Variants in CDH22 observed in about 807,000 individuals in gnomAD.
The protein encoded by CDH22 is cadherin 22, also known as cadherin-22.
CDH22 carries 30 observed loss-of-function variants against 58.4 expected under a neutral mutation model. The observed-to-expected ratio is 0.51, with a 90% CI of 0.38 to 0.70. The LOEUF (loss-of-function observed/expected upper bound fraction) is 0.70, where lower values mean the gene tolerates loss of function less well. CDH22 is among the 30% of genes least tolerant of loss of function. CDH22 has a pLI of 0.00. For synonymous variants in CDH22, 513 were observed against 558.2 expected, an observed-to-expected ratio of 0.92 and a Z score of 1.14; for missense variants, 1,014 against 1,233.9, an observed-to-expected ratio of 0.82 and a Z score of 2.67.
At chr20:46,222,128 AAT>A (rs2086131034) in intron 4 of CDH22, among the ~76,000 whole-genome samples, 1 of 152,184 alleles carries the variant, frequency 6.6e-6, no homozygotes, top group Non-Finnish European at 1.5e-5. Context: ...GAGAGGACTG[AAT>A]GAGAGGAAGC....
chr20:46,203,569 C>A (rs1437510442), intron 7 of CDH22, among the ~76,000 whole-genome samples: 1 of 152,222 alleles, frequency 6.6e-6, no homozygotes, highest in Non-Finnish European at 1.5e-5. Context: ...ATCTTTAATT[C>A]CCAGCAAAAT....
intron 8 of CDH22, among the ~76,000 whole-genome samples, chr20:46,198,306 A>G (rs1378005608): frequency 6.6e-6 from 1 of 150,458 alleles, no homozygotes; most frequent in Admixed American, 6.6e-5. Context: ...ACACACACAC[A>G]CACACACACA....
At chr20:46,193,994 A>AAAAC (rs970924367) in intron 8 of CDH22, among the ~76,000 whole-genome samples, 1 of 152,112 alleles carries the variant, frequency 6.6e-6, no homozygotes, top group Non-Finnish European at 1.5e-5. Flanking sequence ...CTCTTTACCA[A>AAAAC]AAACAAACAA....
intron 2 of CDH22, among the ~76,000 whole-genome samples, chr20:46,244,991 C>G (rs1455569444): frequency 6.6e-6 from 1 of 152,226 alleles, no homozygotes; most frequent in Non-Finnish European, 1.5e-5. Flanking sequence ...CTACCCTTCT[C>G]TGAGCCTCAG....
At chr20:46,291,925 A>G (rs1001145055) in intron 1 of CDH22, among the ~76,000 whole-genome samples, 4 of 152,228 alleles carry the variant, frequency 2.6e-5, no homozygotes, top group African/African-American at 7.2e-5. Context: ...TACCCATTGA[A>G]TACCAGTAGC....
At chr20:46,261,704 G>T (rs143279806) in intron 1 of CDH22, among the ~76,000 whole-genome samples, 1,967 of 152,238 alleles carry the variant, frequency 0.013, 22 homozygotes, top group Middle Eastern at 0.031. Flanking sequence ...TGGATCCTGA[G>T]CCCAGAGCTC....
At chr20:46,273,265 C>T (rs1034621745) in intron 1 of CDH22, among the ~76,000 whole-genome samples, 7 of 152,220 alleles carry the variant, frequency 4.6e-5, no homozygotes, top group African/African-American at 7.2e-5. Context: ...TCTCTAAGTT[C>T]TCTGGGCTTC....
intron 10 of CDH22, among the ~76,000 whole-genome samples, chr20:46,184,299 A>T (rs534067602): frequency 6.6e-6 from 1 of 152,098 alleles, no homozygotes; most frequent in African/African-American, 2.4e-5. Flanking sequence ...GAGTTTCACC[A>T]TGTTGGCCAG....
At chr20:46,275,359 TCTGA>T (rs1392005507) in intron 1 of CDH22, among the ~76,000 whole-genome samples, 5 of 152,150 alleles carry the variant, frequency 3.3e-5, no homozygotes, top group Admixed American at 1.3e-4. Context: ...TCCCTTGCCA[TCTGA>T]CTATCTTTGT....
At chr20:46,254,494 G>C (rs769190554) in intron 1 of CDH22, among the ~76,000 whole-genome samples, 6 of 147,562 alleles carry the variant, frequency 4.1e-5, no homozygotes, top group Non-Finnish European at 5.9e-5. Flanking sequence ...GGTGGAGGTT[G>C]TAGTGAGCCA....
intron 3 of CDH22, among the ~76,000 whole-genome samples, chr20:46,233,539 A>G (rs1308429783): frequency 3.3e-5 from 5 of 152,162 alleles, no homozygotes; most frequent in Admixed American, 2.6e-4. Flanking sequence ...CATTCTCTCA[A>G]CATCTACAGA....
intron 4 of CDH22, among the ~76,000 whole-genome samples, chr20:46,225,165 A>G (rs902407622): frequency 5.3e-5 from 8 of 152,246 alleles, no homozygotes; most frequent in South Asian, 2.1e-4. Flanking sequence ...GGCATTATCT[A>G]TCGAGATTCC....
At position 46,251,421 on chromosome 20, in the gene CDH22, C is replaced by A; in HGVS notation, c.-127G>T. 2 of 1,123,974 alleles carry A rather than the reference C, an allele frequency of 1.8e-6. No homozygotes were observed. Among genetic ancestry groups the A allele is most frequent in the Admixed American group, 4.2e-5 (1 of 23,534 alleles). 69.6% of individuals were successfully genotyped at this position (1,123,974 alleles called of 1,614,324 possible). A position where few individuals can be genotyped will look rare whatever the true frequency, so the allele number is the denominator to read the frequency against. On this transcript the variant is annotated 5_prime_UTR_variant, in exon 2 of 12. Coordinates refer to ENST00000537909, the MANE Select transcript of CDH22 (RefSeq NM_021248.3). This position sits in a 1 kb window ranked among gnomAD's most constrained non-coding sequence, Gnocchi z 6.7. ...TCAGCGCGGCCGCCGGGATGTCGCC[C>A]CCGACGGGGCACCCGGACGGGCCCG... is the stretch of plus-strand genomic sequence containing the variant.
rs549954195 is a variant in CDH22, at chr20:46,204,671, A to G, written c.1287-5112T>C. ...GGGTCACACAGGGCTAGTTAGTGGC[A>G]GAGCCAAGCTCCCATGTCTGTTCAG... is the stretch of plus-strand genomic sequence containing the variant. On this transcript the variant is annotated intron_variant, in intron 7 of 11. Transcript: ENST00000537909. 3.3e-5 allele frequency among the ~76,000 whole-genome samples: 5 copies of G among 152,312 alleles called. No homozygotes were observed. In the South Asian group the frequency reaches 1.0e-3, roughly 32 times the overall value.
intron 8 of CDH22, among the ~76,000 whole-genome samples, chr20:46,191,612 T>C (rs2085862475): frequency 6.6e-6 from 1 of 152,074 alleles, no homozygotes; most frequent in Admixed American, 6.5e-5. Context: ...CAGGGAGTGC[T>C]GTTGTTGCTG....
At position 46,236,425 on chromosome 20, in the gene CDH22, A is replaced by G. The variant is rs187561368; in HGVS notation, c.550+4538T>C. 4.0e-5 allele frequency among the ~76,000 whole-genome samples: 6 copies of G among 149,356 alleles called. No individual in the cohort carries two copies. In the Admixed American group the frequency reaches 4.1e-4, roughly 10 times the overall value. ...ATAACACTCCCCGCAAATTGCTCCT[A>G]ATTCCTTTATTCTGCATAGCACTCA... is the stretch of plus-strand genomic sequence containing the variant. On this transcript the variant is annotated intron_variant, in intron 3 of 11. Transcript: ENST00000537909.
chr20:46,235,066 C>A (rs2145720146), intron 3 of CDH22, among the ~76,000 whole-genome samples: 1 of 152,364 alleles, frequency 6.6e-6, no homozygotes, highest in East Asian at 1.9e-4. Context: ...ATAATGGGTG[C>A]TAATAAACAT....
chr20:46,302,000 C>T (rs1230702125), intron 1 of CDH22, among the ~76,000 whole-genome samples: 7 of 152,172 alleles, frequency 4.6e-5, no homozygotes, highest in African/African-American at 1.7e-4. Context: ...TGTGTATTAG[C>T]ATGGTCCAGC....
At position 46,258,154 on chromosome 20, in the gene CDH22, G is replaced by A. The variant is rs530063656; in HGVS notation, c.-399-6461C>T. Among the ~76,000 whole-genome samples, 6 of 152,282 alleles carry A rather than the reference G, an allele frequency of 3.9e-5. No individual in the cohort carries two copies. In the South Asian group the frequency reaches 1.2e-3, roughly 32 times the overall value. On this transcript the variant is annotated intron_variant, in intron 1 of 11. Coordinates refer to ENST00000537909, the MANE Select transcript of CDH22 (RefSeq NM_021248.3). ...GCGGAGGTCATTAGTGACCTTGCTG[G>A]CAGTGACTTGGTGGAGTAGTGGGTG...
Sources: allele counts gnomAD v4.1 joint callset (sites outside exome capture counted in the v4.1 genomes callset), GRCh38; gene constraint gnomAD v4.1.1; non-coding constraint Gnocchi (gnomAD v3.1); transcripts MANE v1.5; gene names NCBI Gene and HGNC (gene_info 2026-07-23, HGNC 2026-07-21).